Variants in PNLIPRP3 observed in about 807,000 individuals in gnomAD.
PNLIPRP3 encodes the protein pancreatic lipase-related protein 3.
Under a neutral mutation model 52.8 loss-of-function variants are expected in PNLIPRP3, and 58 were observed. The ratio of observed to expected loss-of-function variants is 1.10; its 90% CI spans 0.89 to 1.37. The LOEUF (loss-of-function observed/expected upper bound fraction) is 1.37. Ranked by LOEUF, PNLIPRP3 falls within the 40% of genes most tolerant of loss-of-function variation. PNLIPRP3 has a pLI of 0.00. For synonymous variants in PNLIPRP3, 192 were observed against 185.0 expected (o/e 1.04, Z -0.31); for missense variants, 593 against 561.6 (o/e 1.06, Z -0.57).
At chr10:116,462,181 CA>C (rs1846202174) in intron 7 of PNLIPRP3, among the ~76,000 whole-genome samples, 1 of 151,724 alleles carries the variant, frequency 6.6e-6, no homozygotes. Flanking sequence ...TAGTAGTTTC[CA>C]ATAATAATAG....
chr10:116,453,673 C>T (rs546916673), intron 4 of PNLIPRP3, among the ~76,000 whole-genome samples: 54 of 152,048 alleles, frequency 3.6e-4, no homozygotes, highest in Non-Finnish European at 6.3e-4. Context: ...AGAGCACGGC[C>T]CCTCCCCACT....
chr10:116,452,196 G>T (rs1846049883), intron 4 of PNLIPRP3, among the ~76,000 whole-genome samples: 1 of 152,134 alleles, frequency 6.6e-6, no homozygotes, highest in East Asian at 1.9e-4. Context: ...ATGACTTCAG[G>T]TATCTAGCAG....
intron 4 of PNLIPRP3, among the ~76,000 whole-genome samples, chr10:116,446,747 C>T (rs1845958555): frequency 6.6e-6 from 1 of 152,126 alleles, no homozygotes; most frequent in Non-Finnish European, 1.5e-5. Flanking sequence ...GCTCTTACAT[C>T]CTGGGTAAAT....
chr10:116,465,913 A>G (rs1846275724), intron 7 of PNLIPRP3, 137 bp from the exon 8 acceptor site: 1 of 701,282 alleles, frequency 1.4e-6, no homozygotes, highest in African/African-American at 1.8e-5. Flanking sequence ...ATAAATGTAC[A>G]ATATCCAAGC....
rs145199504 is a variant in PNLIPRP3 at position 116,430,718 on chromosome 10, C to T, written c.49+2657C>T. ...ATAATACATATATTTCTCCTACACA[C>T]CACATATCTATTACACAACTGCCAT... On this transcript the variant is annotated intron_variant, in intron 1 of 11. Coordinates refer to ENST00000369230, the MANE Select transcript of PNLIPRP3 (RefSeq NM_001011709.3). 2.0e-3 allele frequency among the ~76,000 whole-genome samples: 307 copies of T among 152,296 alleles called. 1 individual carries two copies. Among genetic ancestry groups the T allele is most frequent in the African/African-American group, 6.9e-3 (285 of 41,552 alleles).
chr10:116,471,697 T>C, intron 9 of PNLIPRP3, 71 bp from the exon 10 acceptor site: 1 of 1,148,758 alleles, frequency 8.7e-7, no homozygotes. Context: ...CATTAAAGGA[T>C]CCAGGAAGTC....
Position 116,439,965 on chromosome 10 carries a change from A to T in PNLIPRP3, c.205-3090A>T. The T allele has an allele frequency of 5.9e-6, 5 of 851,944 alleles. No homozygotes were observed. In the South Asian group the frequency reaches 6.6e-5, roughly 11 times the overall value. 52.8% of individuals were successfully genotyped at this position (851,944 alleles called of 1,614,324 possible). A position where few individuals can be genotyped will look rare whatever the true frequency, so the allele number is the denominator to read the frequency against. ...CAGGGACCTCTGGGTTTTTCTTCTT[A>T]TGTTCTTCTCTGCACGTCTGCACGA... is the stretch of plus-strand genomic sequence containing the variant. On this transcript the variant is annotated intron_variant, in intron 2 of 11. Coordinates refer to ENST00000369230, the MANE Select transcript of PNLIPRP3 (RefSeq NM_001011709.3).
intron 4 of PNLIPRP3, among the ~76,000 whole-genome samples, chr10:116,450,326 T>TTTA (rs1193827372): frequency 6.6e-6 from 1 of 152,176 alleles, no homozygotes; most frequent in African/African-American, 2.4e-5. Context: ...TTAGTGTTAA[T>TTTA]TTATTTTATG....
intron 4 of PNLIPRP3, among the ~76,000 whole-genome samples, chr10:116,455,171 T>A (rs1236054740): frequency 6.6e-6 from 1 of 152,252 alleles, no homozygotes; most frequent in Non-Finnish European, 1.5e-5. Flanking sequence ...CATTTGTATG[T>A]CTTCTTTTGA....
At chr10:116,468,411 C>G (rs892199672) in intron 8 of PNLIPRP3, among the ~76,000 whole-genome samples, 35 of 152,248 alleles carry the variant, frequency 2.3e-4, no homozygotes, top group African/African-American at 8.4e-4. Flanking sequence ...GAAACACTAG[C>G]TCTAATCATA....
In PNLIPRP3 at chr10:116,454,362, C is replaced by T. The variant is rs541138487; in HGVS notation, c.457-1360C>T. Among the ~76,000 whole-genome samples, 318 of 152,312 alleles carry T rather than the reference C, an allele frequency of 2.1e-3. 1 individual carries two copies. The highest frequency in any genetic ancestry group is 7.4e-3 in the African/African-American group (309 of 41,560). The stretch of plus-strand genomic sequence containing the variant: ...CTCGAACTCCTGACCTCGTGATCTG[C>T]CCGCCTCAGCCTCCCAAAGTGCTGG... On this transcript the variant is annotated intron_variant, in intron 4 of 11. Coordinates refer to ENST00000369230, the MANE Select transcript of PNLIPRP3 (RefSeq NM_001011709.3).
At chr10:116,476,555 C>T in intron 10 of PNLIPRP3, 97 bp from the exon 11 acceptor site, 2 of 918,574 alleles carry the variant, frequency 2.2e-6, no homozygotes. Context: ...CTAGCAAATA[C>T]AAGTTTCTCT....
chr10:116,439,162 G>A (rs191954049), intron 2 of PNLIPRP3, among the ~76,000 whole-genome samples: 1 of 152,134 alleles, frequency 6.6e-6, no homozygotes, highest in Admixed American at 6.6e-5. Context: ...CTTTAAAATG[G>A]TTAAAATGTT....
intron 8 of PNLIPRP3, among the ~76,000 whole-genome samples, chr10:116,467,959 A>C (rs981349821): frequency 2.0e-5 from 3 of 151,720 alleles, no homozygotes; most frequent in Non-Finnish European, 4.4e-5. Flanking sequence ...CCCTGTCTCT[A>C]CTAAAAATAC....
intron 1 of PNLIPRP3, among the ~76,000 whole-genome samples, chr10:116,433,541 C>T (rs1845737073): frequency 6.6e-6 from 1 of 152,146 alleles, no homozygotes; most frequent in South Asian, 2.1e-4. Flanking sequence ...ACTGGTGGTA[C>T]TTACAGAAAC....
intron 2 of PNLIPRP3, among the ~76,000 whole-genome samples, chr10:116,438,733 C>T (rs1207327598): frequency 6.6e-6 from 1 of 152,120 alleles, no homozygotes; most frequent in African/African-American, 2.4e-5. Flanking sequence ...ACAAGGATTT[C>T]CACAGGCCTG....
At chr10:116,453,944 A>G (rs1234013073) in intron 4 of PNLIPRP3, among the ~76,000 whole-genome samples, 3 of 149,872 alleles carry the variant, frequency 2.0e-5, no homozygotes, top group Non-Finnish European at 4.4e-5. Context: ...CTTGTCCCCC[A>G]CCCCCAACAG....
intron 4 of PNLIPRP3, among the ~76,000 whole-genome samples, chr10:116,451,099 A>G (rs1010917858): frequency 1.3e-5 from 2 of 152,216 alleles, no homozygotes; most frequent in African/African-American, 2.4e-5. Flanking sequence ...GACAGAATAG[A>G]GATCTCAGAA....
At chr10:116,437,101 A>G (rs1279819841) in intron 2 of PNLIPRP3, among the ~76,000 whole-genome samples, 1 of 152,154 alleles carries the variant, frequency 6.6e-6, no homozygotes, top group Non-Finnish European at 1.5e-5. Flanking sequence ...TAACAGGTAA[A>G]CTTGATATTA....
Sources: allele counts gnomAD v4.1 joint callset (sites outside exome capture counted in the v4.1 genomes callset), GRCh38; gene constraint gnomAD v4.1.1; transcripts MANE v1.5; gene names NCBI Gene and HGNC (gene_info 2026-07-23, HGNC 2026-07-21).